The following IQGAP1 variants were observed in gnomAD, a reference collection of about 807,000 sequenced individuals.
IQGAP1 encodes the protein IQ motif containing GTPase activating protein 1.
A neutral mutation model predicts 215.6 loss-of-function variants in IQGAP1; 66 were observed. The ratio of observed to expected loss-of-function variants is 0.31; its 90% CI spans 0.25 to 0.38. The LOEUF (loss-of-function observed/expected upper bound fraction) is 0.38. Ranked by LOEUF, IQGAP1 falls within the 10% of genes least tolerant of loss-of-function variation. The probability of loss-of-function intolerance (pLI) is 1.00; values close to 1 mark genes in which losing one functional copy is unlikely to be tolerated. For synonymous variants in IQGAP1, 772 were observed against 728.7 expected, an observed-to-expected ratio of 1.06 and a Z score of -0.96; for missense variants, 1,712 against 1,997.1, an observed-to-expected ratio of 0.86 and a Z score of 2.72.
chr15:90,434,445 A>T (rs1013285903), intron 5 of IQGAP1, among the ~76,000 whole-genome samples: 2 of 151,956 alleles, frequency 1.3e-5, no homozygotes, highest in East Asian at 1.9e-4. Flanking sequence ...TCTAAAAAAA[A>T]ATAATAATAA....
intron 18 of IQGAP1, among the ~76,000 whole-genome samples, chr15:90,472,133 CCAGG>C (rs535439214): frequency 1.2e-4 from 19 of 152,164 alleles, no homozygotes; most frequent in African/African-American, 4.1e-4. Flanking sequence ...TTAAAATTAG[CCAGG>C]TATGGTGGTA....
At chr15:90,435,331 C>T (rs1473569742) in intron 5 of IQGAP1, among the ~76,000 whole-genome samples, 1 of 152,096 alleles carries the variant, frequency 6.6e-6, no homozygotes, top group South Asian at 2.1e-4. Flanking sequence ...AAAAAATTAG[C>T]TAGGCATGGT....
At chr15:90,393,319 A>G (rs974663188) in intron 2 of IQGAP1, among the ~76,000 whole-genome samples, 4 of 152,164 alleles carry the variant, frequency 2.6e-5, no homozygotes, top group Admixed American at 2.0e-4. Context: ...CATAATATAT[A>G]CTTGAAAACA....
intron 30 of IQGAP1, among the ~76,000 whole-genome samples, chr15:90,485,297 T>C (rs909772038): frequency 1.3e-5 from 2 of 152,234 alleles, no homozygotes; most frequent in Admixed American, 1.3e-4. Context: ...GGTATACTTT[T>C]CTCTGAATTA....
chr15:90,431,474 T>C (rs956564466), intron 4 of IQGAP1, among the ~76,000 whole-genome samples: 6 of 152,244 alleles, frequency 3.9e-5, no homozygotes. Context: ...ATAACCTCAT[T>C]TGAATGTTAC....
intron 9 of IQGAP1, among the ~76,000 whole-genome samples, chr15:90,448,236 C>T (rs575645019): frequency 1.3e-5 from 2 of 152,292 alleles, no homozygotes; most frequent in South Asian, 4.1e-4. Context: ...TGGACAACTA[C>T]TTGGCATTTT....
chr15:90,450,485 G>T (rs1049030061), intron 11 of IQGAP1, among the ~76,000 whole-genome samples: 4 of 151,724 alleles, frequency 2.6e-5, no homozygotes, highest in African/African-American at 9.7e-5. Flanking sequence ...CAATGGGATT[G>T]CTGAATCATA....
chr15:90,414,768 C>T (rs2601201), intron 2 of IQGAP1, among the ~76,000 whole-genome samples: 52,234 of 151,880 alleles, frequency 0.34, 9,643 homozygotes, highest in East Asian at 0.67. Context: ...AGCAACAGGT[C>T]TCCCTCCTGA....
intron 25 of IQGAP1, 89 bp downstream of exon 25, chr15:90,477,319 G>T: frequency 1.9e-6 from 2 of 1,078,390 alleles, no homozygotes; most frequent in Non-Finnish European, 2.7e-6. Context: ...ATCTTTTCTT[G>T]ATCTCAATTA....
intron 34 of IQGAP1, 145 bp downstream of exon 34, chr15:90,491,690 G>T: frequency 4.5e-6 from 3 of 670,500 alleles, no homozygotes; most frequent in Non-Finnish European, 7.6e-6. Flanking sequence ...TGACTCTCCA[G>T]CATGAGGGCC....
intron 28 of IQGAP1, chr15:90,482,757 A>C: frequency 1.0e-6 from 1 of 987,398 alleles, no homozygotes; most frequent in Non-Finnish European, 1.2e-6. Context: ...CAGGTGAATT[A>C]ATTTTATTTC....
Position 90,390,743 on chromosome 15 carries a change from T to C in IQGAP1, c.56-31T>C, listed in dbSNP as rs762550045. 5.7e-6 allele frequency: 8 copies of C among 1,405,704 alleles called. 1 individual carries two copies. The highest frequency in any genetic ancestry group is 8.1e-6 in the Non-Finnish European group (8 of 990,564). 87.1% of individuals were successfully genotyped at this position (1,405,704 alleles called of 1,614,324 possible). On this transcript the variant is annotated intron_variant, in intron 1 of 37. Coordinates refer to ENST00000268182, the MANE Select transcript of IQGAP1 (RefSeq NM_003870.4). ...TATCACTCAGGAAGGCTACAGATCCTGGTGTTTACATTCTTTCTTTTATGT... is the reference window on the plus strand; with the variant it reads ...TATCACTCAGGAAGGCTACAGATCCCGGTGTTTACATTCTTTCTTTTATGT...
intron 4 of IQGAP1, among the ~76,000 whole-genome samples, chr15:90,433,325 A>G (rs1449449715): frequency 6.6e-6 from 1 of 152,210 alleles, no homozygotes; most frequent in African/African-American, 2.4e-5. Flanking sequence ...CATGGTAGAT[A>G]GTAACTAGGA....
At chr15:90,461,169 G>A (rs781557243) in intron 15 of IQGAP1, among the ~76,000 whole-genome samples, 37 of 151,834 alleles carry the variant, frequency 2.4e-4, no homozygotes, top group Non-Finnish European at 2.5e-4. Flanking sequence ...TTAGCCAGGC[G>A]TGGTGGCAGG....
chr15:90,467,396 C>T, intron 17 of IQGAP1, 54 bp from the exon 18 acceptor site: 3 of 1,552,120 alleles, frequency 1.9e-6, no homozygotes, highest in East Asian at 2.3e-5. Flanking sequence ...TCTGGACGTA[C>T]AGCTGGGGAG....
intron 28 of IQGAP1, among the ~76,000 whole-genome samples, chr15:90,482,518 A>G (rs1191450311): frequency 6.6e-6 from 1 of 152,246 alleles, no homozygotes; most frequent in East Asian, 1.9e-4. Flanking sequence ...TCCTGTTTTC[A>G]GATGAGTTTC....
intron 2 of IQGAP1, among the ~76,000 whole-genome samples, chr15:90,412,357 C>T (rs1037188164): frequency 1.3e-5 from 2 of 152,188 alleles, no homozygotes; most frequent in African/African-American, 4.8e-5. Flanking sequence ...GCAATACTTT[C>T]TTTAGTGTCT....
rs1442149855 is a variant in IQGAP1 at position 90,467,491 on chromosome 15, G to A, written c.2077G>A (p.Gly693Arg). The change falls in exon 18 of 38, where the codon GGA (glycine) becomes AGA (arginine). Residue 693 changes from glycine to arginine, a missense_variant. By Grantham distance (125) the Gly-to-Arg change is moderately radical. Coordinates refer to ENST00000268182, the MANE Select transcript of IQGAP1 (RefSeq NM_003870.4). ...SKWVKHWVKG[G>R]YYYYHNLETQ... Reference sequence around the variant, plus strand: ...GTGGGTGAAGCACTGGGTAAAAGGTGGATATTATTATTACCACAATCTGGA... The same window carrying A: ...GTGGGTGAAGCACTGGGTAAAAGGTAGATATTATTATTACCACAATCTGGA... The A allele has an allele frequency of 6.2e-7, 1 of 1,612,668 alleles. No individual in the cohort carries two copies. The highest frequency in any genetic ancestry group is 1.7e-5 in the Admixed American group (1 of 59,844).
intron 5 of IQGAP1, among the ~76,000 whole-genome samples, chr15:90,436,053 C>T (rs1244453061): frequency 7.4e-6 from 1 of 135,600 alleles, no homozygotes; most frequent in Non-Finnish European, 1.5e-5. Flanking sequence ...TCTGTCTCCT[C>T]CCTGCTTGCC....
Sources: gnomAD v4.1 joint callset for allele counts (sites outside exome capture counted in the v4.1 genomes callset) on GRCh38, gnomAD v4.1.1 for gene constraint, MANE v1.5 for transcripts, NCBI Gene and HGNC (gene_info 2026-07-23, HGNC 2026-07-21) for gene names.